PCDH15: variants seen among roughly 807,000 people sequenced by gnomAD.
PCDH15 encodes the protein protocadherin related 15.
Under a neutral mutation model 178.5 loss-of-function variants are expected in PCDH15, and 129 were observed. The ratio of observed to expected loss-of-function variants is 0.72; its 90% CI spans 0.63 to 0.84. The LOEUF (loss-of-function observed/expected upper bound fraction) is 0.84, where lower values mean the gene tolerates loss of function less well. Among genes scored for constraint, PCDH15 ranks in the 40% least tolerant of loss-of-function variants. The pLI is 0.00. For synonymous variants in PCDH15, 800 were observed against 732.0 expected (o/e 1.09, Z -1.50); for missense variants, 2,230 against 2,099.9 (o/e 1.06, Z -1.21).
At chr10:54,922,723 C>A (rs1837525941) in intron 2 of PCDH15, among the ~76,000 whole-genome samples, 1 of 152,126 alleles carries the variant, frequency 6.6e-6, no homozygotes, top group Admixed American at 6.5e-5. Flanking sequence ...ATCCAGGCCA[C>A]AATGATGTAA....
intron 15 of PCDH15, among the ~76,000 whole-genome samples, chr10:54,129,423 T>C (rs945824933): frequency 6.6e-6 from 1 of 152,198 alleles, no homozygotes; most frequent in African/African-American, 2.4e-5. Flanking sequence ...AACATTTCCC[T>C]AGATAGAAGC....
At chr10:55,253,105 T>G (rs1394536243) in intron 1 of PCDH15, among the ~76,000 whole-genome samples, 1 of 152,204 alleles carries the variant, frequency 6.6e-6, no homozygotes, top group African/African-American at 2.4e-5. Context: ...AAGTTTCAAT[T>G]ATTTGTAGAG....
chr10:54,513,005 G>A lies in PCDH15; in HGVS notation c.157+14807C>T, dbSNP rs998470503. ...GGCTGATAAACTTCATCTGTCATAT[G>A]AAATTATCTAATACCCCTAAAATAA... On this transcript the variant is annotated intron_variant, in intron 3 of 37. Transcript: ENST00000644397. Among the ~76,000 whole-genome samples, 6 of 152,032 alleles carry A rather than the reference G, an allele frequency of 3.9e-5. No individual in the cohort carries two copies. The East Asian group carries it at 1.2e-3, about 29-fold the overall frequency.
At chr10:53,999,558 G>A (rs962443925) in intron 20 of PCDH15, among the ~76,000 whole-genome samples, 1 of 152,154 alleles carries the variant, frequency 6.6e-6, no homozygotes, top group Admixed American at 6.5e-5. Context: ...TGATTTAAGA[G>A]GCCATGGGCC....
intron 2 of PCDH15, among the ~76,000 whole-genome samples, chr10:55,408,627 A>G (rs950769456): frequency 6.6e-6 from 1 of 152,230 alleles, no homozygotes; most frequent in Non-Finnish European, 1.5e-5. Context: ...AGTAAGATTT[A>G]TGCCAGAAAT....
chr10:54,523,245 AT>A (rs1194807959), intron 3 of PCDH15, among the ~76,000 whole-genome samples: 7 of 152,144 alleles, frequency 4.6e-5, no homozygotes, highest in African/African-American at 1.2e-4. Flanking sequence ...GCTTTGGTGG[AT>A]TTTTTAAAAA....
chr10:54,686,446 G>A (rs2095010335), intron 1 of PCDH15, among the ~76,000 whole-genome samples: 2 of 151,844 alleles, frequency 1.3e-5, no homozygotes, highest in African/African-American at 4.8e-5. Context: ...TTTTTGTTTT[G>A]GTTTCCTGTG....
chr10:55,394,588 G>A (rs1269699613), intron 2 of PCDH15, among the ~76,000 whole-genome samples: 1 of 151,664 alleles, frequency 6.6e-6, no homozygotes, highest in Non-Finnish European at 1.5e-5. Context: ...ACATGAAAGA[G>A]ACTTGCTTGA....
At chr10:55,471,679 G>A (rs917700289) in intron 2 of PCDH15, among the ~76,000 whole-genome samples, 1 of 152,114 alleles carries the variant, frequency 6.6e-6, no homozygotes, top group African/African-American at 2.4e-5. Flanking sequence ...TGTGAACACA[G>A]GAAAACAGAT....
At chr10:54,150,876 G>A (rs1284144296) in intron 14 of PCDH15, among the ~76,000 whole-genome samples, 2 of 151,874 alleles carry the variant, frequency 1.3e-5, no homozygotes, top group South Asian at 2.1e-4. Flanking sequence ...ATAACAGCAA[G>A]CATATAATAT....
chr10:53,839,592 A>C (rs988457777), intron 29 of PCDH15, among the ~76,000 whole-genome samples: 2 of 152,124 alleles, frequency 1.3e-5, no homozygotes, highest in African/African-American at 4.8e-5. Flanking sequence ...TTTTAACTAA[A>C]AATGTTTCAT....
At chr10:55,440,721 A>G (rs986279452) in intron 2 of PCDH15, among the ~76,000 whole-genome samples, 2 of 152,162 alleles carry the variant, frequency 1.3e-5, no homozygotes, top group Non-Finnish European at 2.9e-5. Context: ...CCGGGCATGT[A>G]TCAGTCCGTT....
intron 2 of PCDH15, among the ~76,000 whole-genome samples, chr10:54,910,429 C>T (rs1391627475): frequency 2.0e-5 from 3 of 152,136 alleles, no homozygotes; most frequent in African/African-American, 7.2e-5. Flanking sequence ...GTTTAATGGA[C>T]TGCTTTGTTT....
intron 1 of PCDH15, among the ~76,000 whole-genome samples, chr10:54,762,402 CAAAT>C (rs1220343129): frequency 3.3e-5 from 5 of 152,052 alleles, no homozygotes; most frequent in African/African-American, 1.2e-4. Flanking sequence ...TGCAATATCT[CAAAT>C]AATAACTAGT....
intron 2 of PCDH15, among the ~76,000 whole-genome samples, chr10:55,343,373 A>G: frequency 6.6e-6 from 1 of 152,186 alleles, no homozygotes; most frequent in Non-Finnish European, 1.5e-5. Context: ...TTGAAATGGT[A>G]ACATCATTAG....
At chr10:55,107,056 G>T (rs1022483730) in intron 2 of PCDH15, among the ~76,000 whole-genome samples, 2 of 152,224 alleles carry the variant, frequency 1.3e-5, no homozygotes, top group Non-Finnish European at 2.9e-5. Flanking sequence ...TGGATTTTAA[G>T]TCAGTTTGAT....
intron 10 of PCDH15, 47 bp downstream of exon 10, chr10:54,213,889 A>G: frequency 8.2e-7 from 1 of 1,212,336 alleles, no homozygotes; most frequent in Non-Finnish European, 1.2e-6. Context: ...GATTTATCTG[A>G]TTAGCAGTTC....
In PCDH15 at chr10:54,934,647, C is replaced by G. The variant is rs369458790; in HGVS notation, c.-79-37147G>C. On this transcript the variant is annotated intron_variant, in intron 2 of 5. Transcript: ENST00000458638. ...CTGTTGGTGGGACTGTAAACTAGTT[C>G]AACCATTGTGGAAGTCAGTGTGGCG... Among the ~76,000 whole-genome samples the G allele has an allele frequency of 4.8e-4, 72 of 151,066 alleles. 1 individual carries two copies. In the South Asian group the frequency reaches 0.014, roughly 29 times the overall value.
At chr10:55,075,279 T>C (rs1841856015) in intron 2 of PCDH15, among the ~76,000 whole-genome samples, 1 of 152,110 alleles carries the variant, frequency 6.6e-6, no homozygotes, top group African/African-American at 2.4e-5. Flanking sequence ...GTGGTATCAA[T>C]TGTGAGGCTC....
Sources: gnomAD v4.1 joint callset for allele counts (sites outside exome capture counted in the v4.1 genomes callset) on GRCh38, gnomAD v4.1.1 for gene constraint, MANE v1.5 for transcripts, NCBI Gene and HGNC (gene_info 2026-07-23, HGNC 2026-07-21) for gene names.